SV2C: variants seen among roughly 807,000 people sequenced by gnomAD.
SV2C encodes solute carrier family 22 member B3.
SV2C carries 49 observed loss-of-function variants against 79.7 expected under a neutral mutation model. The observed-to-expected ratio is 0.61, with a 90% CI of 0.49 to 0.78. The LOEUF is 0.78. Among genes scored for constraint, SV2C ranks in the 30% least tolerant of loss-of-function variants. The pLI is 0.00. For missense variants in SV2C, 833 were observed against 912.9 expected, an observed-to-expected ratio of 0.91 and a Z score of 1.13; for synonymous variants, 334 against 333.2, an observed-to-expected ratio of 1.00 and a Z score of -0.03.
intron 4 of SV2C, among the ~76,000 whole-genome samples, chr5:76,274,636 G>A (rs1358685320): frequency 1.3e-5 from 2 of 149,312 alleles, no homozygotes; most frequent in Non-Finnish European, 3.0e-5. Flanking sequence ...TCCCCTCCAT[G>A]TGCCCCCCTC....
chr5:76,151,815 CA>C (rs1336422514), intron 2 of SV2C, among the ~76,000 whole-genome samples: 1 of 53,492 alleles, frequency 1.9e-5, no homozygotes, highest in East Asian at 5.8e-4. Flanking sequence ...CAAGTGGTGC[CA>C]CCCAGTGAAT....
the SV2C span, among the ~76,000 whole-genome samples, chr5:75,993,956 G>A: frequency 6.6e-6 from 1 of 152,008 alleles, no homozygotes; most frequent in Non-Finnish European, 1.5e-5. Context: ...TCAAGCCAAG[G>A]GAGAAACAAG....
intron 2 of SV2C, among the ~76,000 whole-genome samples, chr5:76,191,035 AAGAAGAGAGGTTTAATT>A (rs1744083471): frequency 6.6e-6 from 1 of 152,186 alleles, no homozygotes; most frequent in Admixed American, 6.5e-5. Flanking sequence ...CTAATTTATA[AAGAAGAGAGGTTTAATT>A]AGCTCACAGT....
At chr5:76,231,344 T>C (rs894317074) in intron 4 of SV2C, among the ~76,000 whole-genome samples, 10 of 152,204 alleles carry the variant, frequency 6.6e-5, no homozygotes, top group African/African-American at 1.9e-4. Flanking sequence ...CCCATAAATA[T>C]ATTAATATAT....
At chr5:75,935,289 G>T in the SV2C span, among the ~76,000 whole-genome samples, 1 of 152,068 alleles carries the variant, frequency 6.6e-6, no homozygotes, top group African/African-American at 2.4e-5. Flanking sequence ...AAAAAGATTG[G>T]TAATATCTAG....
chr5:75,883,604 G>A, the SV2C span, among the ~76,000 whole-genome samples: 15 of 144,114 alleles, frequency 1.0e-4, no homozygotes, highest in Admixed American at 1.4e-4. Context: ...ACCCAACACC[G>A]CATATTCTCA....
intron 4 of SV2C, among the ~76,000 whole-genome samples, chr5:76,264,273 C>G (rs1221349776): frequency 1.3e-5 from 2 of 151,914 alleles, no homozygotes; most frequent in Non-Finnish European, 2.9e-5. Context: ...CTGTGTTTTT[C>G]AGCTCCAACA....
downstream of SV2C, among the ~76,000 whole-genome samples, chr5:76,334,427 T>A (rs1455162832): frequency 6.6e-6 from 1 of 152,222 alleles, no homozygotes; most frequent in African/African-American, 2.4e-5. Flanking sequence ...AGTCTTCTTT[T>A]ATTCTTTTAT....
the SV2C span, among the ~76,000 whole-genome samples, chr5:75,918,193 G>T: frequency 1.6e-4 from 25 of 152,252 alleles, no homozygotes; most frequent in African/African-American, 6.0e-4. Flanking sequence ...CCAGTTATTC[G>T]CAGAGCTGGG....
At chr5:76,214,405 T>TGCCA (rs1176262951) in intron 4 of SV2C, among the ~76,000 whole-genome samples, 1 of 152,210 alleles carries the variant, frequency 6.6e-6, no homozygotes, top group Non-Finnish European at 1.5e-5. Flanking sequence ...TCTGTGTTTA[T>TGCCA]GCCAGTACTA....
the SV2C span, among the ~76,000 whole-genome samples, chr5:75,970,757 TG>T: frequency 6.6e-6 from 1 of 152,110 alleles, no homozygotes; most frequent in Non-Finnish European, 1.5e-5. Flanking sequence ...ATGGAGGAAC[TG>T]GTACCATTCC....
rs768256322 is a variant in SV2C at position 76,132,263 on chromosome 5, C to T, written c.513C>T (p.Val171=). 3.7e-6 allele frequency: 6 copies of T among 1,613,958 alleles called. No homozygotes were observed. The Admixed American group carries it at 8.3e-5, about 22-fold the overall frequency. Residue 171 remains valine (V), a synonymous_variant, in exon 2 of 13, where the codon GTC becomes GTT. Transcript: ENST00000502798. The part of the protein sequence containing the change: ...ALMADGVEVF[V]VGFVLPSAET... ...TGGCAGACGGTGTAGAGGTGTTTGT[C>T]GTTGGCTTCGTGTTACCCAGTGCTG... is the stretch of plus-strand genomic sequence containing the variant.
chr5:76,128,217 A>C (rs1561227717), intron 1 of SV2C, among the ~76,000 whole-genome samples: 1 of 152,168 alleles, frequency 6.6e-6, no homozygotes, highest in Non-Finnish European at 1.5e-5. Context: ...CTGATGTCTT[A>C]TTTAACAGGG....
At chr5:76,088,620 G>C (rs1747276348) in intron 1 of SV2C, among the ~76,000 whole-genome samples, 1 of 152,140 alleles carries the variant, frequency 6.6e-6, no homozygotes. Flanking sequence ...TATCACACTG[G>C]GGAGTAAGTT....
At chr5:75,952,434 G>C in the SV2C span, among the ~76,000 whole-genome samples, 1 of 151,680 alleles carries the variant, frequency 6.6e-6, no homozygotes, top group East Asian at 2.0e-4. Context: ...TATTGTGGTC[G>C]TGTGGTTTGG....
At chr5:76,072,632 G>A in the SV2C span, among the ~76,000 whole-genome samples, 1 of 152,164 alleles carries the variant, frequency 6.6e-6, no homozygotes, top group Non-Finnish European at 1.5e-5. Context: ...CCAGGAGTGG[G>A]ATTGCTGGAT....
chr5:76,236,572 AAT>A (rs1745621443), intron 4 of SV2C, among the ~76,000 whole-genome samples: 1 of 147,362 alleles, frequency 6.8e-6, no homozygotes, highest in African/African-American at 2.7e-5. Context: ...AAAAAAATAA[AAT>A]AAAATAAAGA....
chr5:76,344,433 G>T (rs866398172), intron 12 of SV2C, among the ~76,000 whole-genome samples: 13 of 152,234 alleles, frequency 8.5e-5, no homozygotes, highest in Non-Finnish European at 4.4e-5. Context: ...TTTAGGCCGG[G>T]TGCGGTGGCT....
chr5:75,945,942 A>C, the SV2C span, among the ~76,000 whole-genome samples: 1 of 152,214 alleles, frequency 6.6e-6, no homozygotes, highest in East Asian at 1.9e-4. Context: ...GCTGATAATG[A>C]AATTTATAGT....
Sources: allele counts gnomAD v4.1 joint callset (sites outside exome capture counted in the v4.1 genomes callset), GRCh38; gene constraint gnomAD v4.1.1; transcripts MANE v1.5; gene names NCBI Gene and HGNC (gene_info 2026-07-23, HGNC 2026-07-21).